ZFP82: variants seen among roughly 807,000 people sequenced by gnomAD.
ZFP82 encodes the protein zinc finger protein 82 homolog.
A neutral mutation model predicts 54.0 loss-of-function variants in ZFP82; 30 were observed. The observed-to-expected ratio is 0.56, with a 90% CI of 0.42 to 0.75. The LOEUF is 0.75. Among genes scored for constraint, ZFP82 ranks in the 30% least tolerant of loss-of-function variants. ZFP82 has a pLI of 0.00. For synonymous variants in ZFP82, 194 were observed against 209.5 expected, an observed-to-expected ratio of 0.93 and a Z score of 0.64; for missense variants, 500 against 636.8, an observed-to-expected ratio of 0.79 and a Z score of 2.31.
chr19:36,414,083 G>A (rs923010513), intron 1 of ZFP82, among the ~76,000 whole-genome samples: 1 of 151,418 alleles, frequency 6.6e-6, no homozygotes, highest in Non-Finnish European at 1.5e-5. Context: ...TGTATTTTTA[G>A]TAGAGACGGG....
chr19:36,398,712 G>A (rs370163882), intron 4 of ZFP82, among the ~76,000 whole-genome samples: 3 of 152,012 alleles, frequency 2.0e-5, no homozygotes, highest in Non-Finnish European at 2.9e-5. Flanking sequence ...AAGAAACAGC[G>A]TCACCCTCTG....
chr19:36,405,524 C>A (rs1466611179), intron 4 of ZFP82, 56 bp downstream of exon 4: 2 of 1,324,516 alleles, frequency 1.5e-6, no homozygotes, highest in South Asian at 1.3e-5. Context: ...TGTCTCTTCC[C>A]CAGTGATCTG....
At chr19:36,386,017 C>T (rs2032110842), downstream of ZFP82, among the ~76,000 whole-genome samples, 1 of 152,180 alleles carries the variant, frequency 6.6e-6, no homozygotes, top group Non-Finnish European at 1.5e-5. Flanking sequence ...GGAGTGCAAA[C>T]CAAGGTTGTA....
intron 4 of ZFP82, among the ~76,000 whole-genome samples, chr19:36,402,308 A>G (rs1225812498): frequency 6.6e-6 from 1 of 151,918 alleles, no homozygotes; most frequent in Non-Finnish European, 1.5e-5. Context: ...CTCTACTAAA[A>G]ATACAAAAAA....
rs1255402629 is a variant in ZFP82 at position 36,393,726 on chromosome 19, A to T, written c.614T>A (p.Met205Lys). The change falls in exon 5 of 5, where the codon ATG (methionine) becomes AAG (lysine). Residue 205 changes from methionine to lysine, a missense_variant. Met to Lys is a moderately conservative substitution (Grantham distance 95). Transcript: ENST00000392161. Reference protein sequence around the residue: ...EKPYECKECGMAFRQTAHLTR... With the variant: ...EKPYECKECGKAFRQTAHLTR... ...AAGGTGTGCAGTCTGTCTGAAGGCC[A>T]TCCCACATTCCTTACATTCATACGG... 1.2e-6 allele frequency: 2 copies of T among 1,613,358 alleles called. No homozygotes were observed. The highest frequency in any genetic ancestry group is 1.7e-6 in the Non-Finnish European group (2 of 1,179,842).
downstream of ZFP82, among the ~76,000 whole-genome samples, chr19:36,388,078 T>C (rs1176088102): frequency 6.6e-6 from 1 of 152,234 alleles, no homozygotes; most frequent in Non-Finnish European, 1.5e-5. Flanking sequence ...AATCATGTCA[T>C]TTTTTGTAAC....
At position 36,393,135 on chromosome 19, in the gene ZFP82, G is replaced by A. The variant is rs1333344011; in HGVS notation, c.1205C>T (p.Ala402Val). ...AATAAGTTGTGAGTAGCGACTAAAG[G>A]CTTTCCAGCATTCCTTACATTCGTA... ...KPYECKECWKAFSRYSQLISH... is the reference protein window; with the variant it reads ...KPYECKECWKVFSRYSQLISH... Residue 402 changes from alanine to valine, a missense_variant, in exon 5 of 5, where the codon GCC becomes GTC. Coordinates refer to ENST00000392161, the MANE Select transcript of ZFP82 (RefSeq NM_133466.4). The A allele has an allele frequency of 6.2e-6, 10 of 1,613,842 alleles. No individual in the cohort carries two copies. Among genetic ancestry groups the A allele is most frequent in the Non-Finnish European group, 8.5e-6 (10 of 1,179,958 alleles).
Position 36,390,513 on chromosome 19 carries a change from G to C in ZFP82, c.*2228C>G, listed in dbSNP as rs1391515237. 1 of 151,898 alleles carries C rather than the reference G, an allele frequency of 6.6e-6. No homozygotes were observed. 9.4% of individuals were successfully genotyped at this position (151,898 alleles called of 1,614,324 possible). A position where few individuals can be genotyped will look rare whatever the true frequency, so the allele number is the denominator to read the frequency against. On this transcript the variant is annotated 3_prime_UTR_variant, in exon 5 of 5. Coordinates refer to ENST00000392161, the MANE Select transcript of ZFP82 (RefSeq NM_133466.4). ...ACTAACTTGTACTTCTCAGTTTTGG[G>C]GGAGCCAAGAAAACTTCACAGGTGT...
chr19:36,408,414 C>T (rs923185914), intron 2 of ZFP82, among the ~76,000 whole-genome samples: 1 of 152,130 alleles, frequency 6.6e-6, no homozygotes, highest in Admixed American at 6.5e-5. Flanking sequence ...GTCTCCCTCC[C>T]TACAATATCT....
chr19:36,403,582 T>C (rs1223769280), intron 4 of ZFP82, among the ~76,000 whole-genome samples: 1 of 140,564 alleles, frequency 7.1e-6, no homozygotes, highest in Non-Finnish European at 1.5e-5. Flanking sequence ...ATCACGCCAC[T>C]GCACTCCAGC....
intron 1 of ZFP82, among the ~76,000 whole-genome samples, chr19:36,415,918 G>A (rs1028956329): frequency 6.6e-6 from 1 of 152,180 alleles, no homozygotes; most frequent in Non-Finnish European, 1.5e-5. Flanking sequence ...ACAATCAAGC[G>A]ACATTCCTAA....
At chr19:36,383,602 T>TATTA (rs1568479347) in exon 2 of ZFP82, 1 of 151,302 alleles carries the variant, frequency 6.6e-6, no homozygotes, top group East Asian at 1.9e-4. Context: ...AAATAATCAC[T>TATTA]ATATTTAGAA....
At position 36,390,329 on chromosome 19, in the gene ZFP82, GTC is replaced by G. The variant is rs1268732043; in HGVS notation, c.*2410_*2411del. Reference sequence around the variant, plus strand: ...CTTTAAAGTGTAGGATTCCATTTTTGTCTTTTTTTTTTTTTTTTTTGACATGT... The same window carrying G: ...CTTTAAAGTGTAGGATTCCATTTTTGTTTTTTTTTTTTTTTTTTGACATGT... On this transcript the variant is annotated 3_prime_UTR_variant, in exon 5 of 5. Transcript: ENST00000392161. 4 of 120,376 alleles carry G rather than the reference GTC, an allele frequency of 3.3e-5. No homozygotes were observed. Among genetic ancestry groups the G allele is most frequent in the African/African-American group, 1.1e-4 (3 of 27,110 alleles). The allele number at this position is 120,376 out of a possible 1,614,324, so 7.5% of individuals were successfully genotyped here.
Position 36,393,164 on chromosome 19 carries a change from T to C in ZFP82, c.1176A>G (p.Lys392=). 1 of 1,613,676 alleles carries C rather than the reference T, an allele frequency of 6.2e-7. No individual in the cohort carries two copies. Among genetic ancestry groups the C allele is most frequent in the East Asian group, 2.2e-5 (1 of 44,850 alleles). The change falls in exon 5 of 5, where the codon AAA becomes AAG. Residue 392 remains lysine (K), a synonymous_variant. Coordinates refer to ENST00000392161, the MANE Select transcript of ZFP82 (RefSeq NM_133466.4). ...ILHHRIHTGE[K]PYECKECWKA... ...TCCAGCATTCCTTACATTCGTAAGG[T>C]TTTTCACCAGTATGAATTCTGTGAT...
downstream of ZFP82, among the ~76,000 whole-genome samples, chr19:36,387,226 G>T (rs1244734516): frequency 4.6e-5 from 7 of 152,190 alleles, no homozygotes; most frequent in South Asian, 2.1e-4. Context: ...TGGAGTGTAT[G>T]TATTTTGCAT....
rs76359505 is a variant in ZFP82 at position 36,399,427 on chromosome 19, T to C, written c.230-5317A>G. Among the ~76,000 whole-genome samples the C allele has an allele frequency of 1.6e-3, 240 of 152,246 alleles. 1 individual carries two copies. The highest frequency in any genetic ancestry group is 2.9e-3 in the Non-Finnish European group (200 of 68,014). ...GGTCAGATAAACTTAACCCTCAGGT[T>C]ACCTCTCCAAGGCCAGACAGCAACT... On this transcript the variant is annotated intron_variant, in intron 4 of 4. Transcript: ENST00000392161.
chr19:36,402,333 G>C (rs1046151955), intron 4 of ZFP82, among the ~76,000 whole-genome samples: 1 of 151,978 alleles, frequency 6.6e-6, no homozygotes, highest in African/African-American at 2.4e-5. Flanking sequence ...GCCAGGCATG[G>C]TGGCGGGCGC....
At chr19:36,417,912 T>G (rs889473483) in intron 1 of ZFP82, among the ~76,000 whole-genome samples, 1 of 152,086 alleles carries the variant, frequency 6.6e-6, no homozygotes, top group Non-Finnish European at 1.5e-5. Context: ...AGTTCTAATA[T>G]TCCTATCCCA....
intron 4 of ZFP82, 135 bp from the exon 5 acceptor site, chr19:36,394,245 A>G (rs979096372): frequency 9.8e-6 from 8 of 820,378 alleles, no homozygotes; most frequent in Non-Finnish European, 1.5e-5. Flanking sequence ...ATTTGGAAAG[A>G]AAAAAAAAGC....
Sources: gnomAD v4.1 joint callset for allele counts (sites outside exome capture counted in the v4.1 genomes callset) on GRCh38, gnomAD v4.1.1 for gene constraint, MANE v1.5 for transcripts, NCBI Gene and HGNC (gene_info 2026-07-23, HGNC 2026-07-21) for gene names.